The following TIPARP variants were observed in gnomAD, a reference collection of about 807,000 sequenced individuals.
TIPARP encodes the protein protein mono-ADP-ribosyltransferase TIPARP.
TIPARP carries 12 observed loss-of-function variants against 56.5 expected under a neutral mutation model. The ratio of observed to expected loss-of-function variants is 0.21; its 90% CI spans 0.14 to 0.34. The LOEUF (loss-of-function observed/expected upper bound fraction) is 0.34. Among genes scored for constraint, TIPARP ranks in the 10% least tolerant of loss-of-function variants. The probability of loss-of-function intolerance (pLI) is 1.00; values close to 1 mark genes in which losing one functional copy is unlikely to be tolerated. For missense variants in TIPARP, 604 were observed against 781.6 expected, an observed-to-expected ratio of 0.77 and a Z score of 2.71; for synonymous variants, 296 against 265.7, an observed-to-expected ratio of 1.11 and a Z score of -1.11.
intron 2 of TIPARP, among the ~76,000 whole-genome samples, chr3:156,688,575 C>T (rs1416449359): frequency 1.3e-5 from 2 of 150,812 alleles, no homozygotes; most frequent in African/African-American, 2.4e-5. Context: ...AGTTTTGCTT[C>T]TAAAGAAGAA....
chr3:156,684,519 G>A (rs538619586), intron 2 of TIPARP, among the ~76,000 whole-genome samples: 71 of 152,058 alleles, frequency 4.7e-4, no homozygotes, highest in Non-Finnish European at 8.8e-4. Context: ...TGCAACCTCC[G>A]CCTCCTGGGT....
intron 5 of TIPARP, 33 bp from the exon 6 acceptor site, chr3:156,704,651 C>A: frequency 6.3e-7 from 1 of 1,582,916 alleles, no homozygotes; most frequent in Non-Finnish European, 8.6e-7. Flanking sequence ...TGTATTTCAT[C>A]CTTCTGAATT....
At chr3:156,677,445 A>G (rs1221056649) in intron 1 of TIPARP, among the ~76,000 whole-genome samples, 29 of 152,212 alleles carry the variant, frequency 1.9e-4, no homozygotes, top group Admixed American at 1.8e-3. Flanking sequence ...AGACTCTTCT[A>G]CTTTTACCTG....
At chr3:156,703,723 G>T in intron 5 of TIPARP, 21 bp downstream of exon 5, 1 of 1,593,924 alleles carries the variant, frequency 6.3e-7, no homozygotes, top group Non-Finnish European at 8.5e-7. Flanking sequence ...TGTATGAAAA[G>T]TTCAAGACGG....
intron 1 of TIPARP, among the ~76,000 whole-genome samples, chr3:156,676,174 A>G (rs1722120547): frequency 6.6e-6 from 1 of 152,206 alleles, no homozygotes; most frequent in Non-Finnish European, 1.5e-5. Flanking sequence ...CCAAATGATG[A>G]ATAATAACGC....
intron 4 of TIPARP, among the ~76,000 whole-genome samples, chr3:156,700,040 T>C (rs964736422): frequency 6.6e-6 from 1 of 152,228 alleles, no homozygotes; most frequent in Admixed American, 6.5e-5. Context: ...AATGTTTCTT[T>C]TTAAGTGGTT....
At position 156,705,822 on chromosome 3, in the gene TIPARP, TATGAA is replaced by T. The variant is rs1722966474; in HGVS notation, c.*695_*699del. 6.6e-6 allele frequency: 1 copy of T among 152,646 alleles called. No homozygotes were observed. The highest frequency in any genetic ancestry group is 2.1e-4 in the South Asian group (1 of 4,832). 9.5% of individuals were successfully genotyped at this position (152,646 alleles called of 1,614,324 possible). A position where few individuals can be genotyped will look rare whatever the true frequency, so the allele number is the denominator to read the frequency against. Reference sequence around the variant, plus strand: ...AGCAAAACTTTTCACTAATTAGTGATATGAAATGTGATTTTTGTGTTGTTAAACTT... The same window carrying T: ...AGCAAAACTTTTCACTAATTAGTGATATGTGATTTTTGTGTTGTTAAACTT... On this transcript the variant is annotated 3_prime_UTR_variant, in exon 6 of 6. Transcript: ENST00000295924.
At chr3:156,677,562 G>T (rs1436249618) in intron 1 of TIPARP, 95 bp from the exon 2 acceptor site, 2 of 791,402 alleles carry the variant, frequency 2.5e-6, no homozygotes, top group East Asian at 2.7e-5. Context: ...TGGTTTCAGG[G>T]AATCAGTCAG....
chr3:156,679,127 T>G (rs967636957), intron 2 of TIPARP, among the ~76,000 whole-genome samples: 1 of 152,202 alleles, frequency 6.6e-6, no homozygotes, highest in Non-Finnish European at 1.5e-5. Context: ...CTTCTGGATC[T>G]TTTATTAGTT....
At chr3:156,699,577 G>C (rs1011734277) in intron 4 of TIPARP, among the ~76,000 whole-genome samples, 1 of 151,914 alleles carries the variant, frequency 6.6e-6, no homozygotes, top group Non-Finnish European at 1.5e-5. Flanking sequence ...AATAGACTAT[G>C]GTATAGTATA....
intron 2 of TIPARP, among the ~76,000 whole-genome samples, chr3:156,684,683 C>T (rs1415281014): frequency 7.9e-5 from 12 of 152,200 alleles, no homozygotes; most frequent in African/African-American, 1.9e-4. Flanking sequence ...CCACCTGCCT[C>T]GGCCTCACAA....
chr3:156,703,442 C>T lies in TIPARP; in HGVS notation c.1266C>T (p.Pro422=), dbSNP rs774989515. Residue 422 remains proline, a synonymous_variant, in exon 5 of 6, where the codon CCC becomes CCT. Coordinates refer to ENST00000295924, the MANE Select transcript of TIPARP (RefSeq NM_015508.5). The part of the protein sequence containing the change: ...LPYLQTLGGV[P]TQAPPPLEAT... ...ATTTTAGGACACTTGGTGGGGTTCC[C>T]ACACAAGCTCCTCCACCTCTTGAAG... 1 of 1,614,074 alleles carries T rather than the reference C, an allele frequency of 6.2e-7. No individual in the cohort carries two copies. The highest frequency in any genetic ancestry group is 8.5e-7 in the Non-Finnish European group (1 of 1,180,012).
At chr3:156,704,404 G>T (rs1347522652) in intron 5 of TIPARP, among the ~76,000 whole-genome samples, 1 of 152,142 alleles carries the variant, frequency 6.6e-6, no homozygotes, top group African/African-American at 2.4e-5. Flanking sequence ...CCCTCAGATT[G>T]GAGGAATTAG....
intron 4 of TIPARP, among the ~76,000 whole-genome samples, chr3:156,702,065 G>GTGGTT (rs1722860059): frequency 1.7e-5 from 2 of 114,964 alleles, no homozygotes; most frequent in Admixed American, 1.7e-4. Context: ...TGGTGGTGGT[G>GTGGTT]GTGGTGGTTG....
Position 156,677,758 on chromosome 3 carries a change from G to C in TIPARP, c.61G>C (p.Asp21His). 2 of 1,613,824 alleles carry C rather than the reference G, an allele frequency of 1.2e-6. No individual in the cohort carries two copies. Among genetic ancestry groups the C allele is most frequent in the Non-Finnish European group, 1.7e-6 (2 of 1,179,956 alleles). Reference sequence around the variant, plus strand: ...TGTAGTGCAGCCTCCCTCTCCTCCTGATGACTTTTCATGCCAAATGAGACT... The same window carrying C: ...TGTAGTGCAGCCTCCCTCTCCTCCTCATGACTTTTCATGCCAAATGAGACT... ...DCVVQPPSPP[D>H]DFSCQMRLSE... The change falls in exon 2 of 6, where the codon GAT (aspartate) becomes CAT (histidine). Residue 21 changes from aspartate to histidine, a missense_variant. This residue lies in a region of TIPARP where 261 missense variants were observed against 279.2 expected (regional missense o/e 0.93). Coordinates refer to ENST00000295924, the MANE Select transcript of TIPARP (RefSeq NM_015508.5).
intron 2 of TIPARP, among the ~76,000 whole-genome samples, chr3:156,690,146 C>G (rs1025188684): frequency 1.3e-5 from 2 of 152,124 alleles, no homozygotes; most frequent in Non-Finnish European, 2.9e-5. Flanking sequence ...AATGGTTACA[C>G]TCTTTACTGA....
intron 4 of TIPARP, among the ~76,000 whole-genome samples, chr3:156,699,670 G>A (rs1455125111): frequency 6.6e-6 from 1 of 152,102 alleles, no homozygotes; most frequent in Non-Finnish European, 1.5e-5. Flanking sequence ...CAGTGGTCTG[G>A]AATAGAATGC....
At position 156,705,148 on chromosome 3, in the gene TIPARP, T is replaced by C; in HGVS notation, c.*17T>C. The C allele has an allele frequency of 7.5e-7, 1 of 1,334,522 alleles. No individual in the cohort carries two copies. The highest frequency in any genetic ancestry group is 9.9e-7 in the Non-Finnish European group (1 of 1,012,898). The allele number at this position is 1,334,522 out of a possible 1,614,324, so 82.7% of individuals were successfully genotyped here. A position where few individuals can be genotyped will look rare whatever the true frequency, so the allele number is the denominator to read the frequency against. ...TCCATTTGAAAAATCTTGGTACTGCTAAATTATTTGATATGAACTCAATCC... is the reference window on the plus strand; with the variant it reads ...TCCATTTGAAAAATCTTGGTACTGCCAAATTATTTGATATGAACTCAATCC... On this transcript the variant is annotated 3_prime_UTR_variant, in exon 6 of 6. Transcript: ENST00000295924.
intron 1 of TIPARP, chr3:156,676,826 A>G (rs1221561051): frequency 1.3e-5 from 2 of 151,578 alleles, no homozygotes; most frequent in Non-Finnish European, 2.9e-5. Flanking sequence ...TTATTTTTCT[A>G]TAGTATGCCT....
Sources: allele counts gnomAD v4.1 joint callset (sites outside exome capture counted in the v4.1 genomes callset), GRCh38; gene constraint gnomAD v4.1.1; regional missense constraint gnomAD v4.1.1; transcripts MANE v1.5; gene names NCBI Gene and HGNC (gene_info 2026-07-23, HGNC 2026-07-21).